Variants in ADCY2 observed in about 807,000 individuals in gnomAD.
ADCY2 encodes adenylate cyclase type 2.
Under a neutral mutation model 125.2 loss-of-function variants are expected in ADCY2, and 31 were observed. That is an observed-to-expected ratio of 0.25 (90% confidence interval 0.19 to 0.33). The LOEUF (loss-of-function observed/expected upper bound fraction) is 0.33. Ranked by LOEUF, ADCY2 falls within the 10% of genes least tolerant of loss-of-function variation. The probability of loss-of-function intolerance (pLI) is 1.00; values close to 1 mark genes in which losing one functional copy is unlikely to be tolerated. For missense variants in ADCY2, 904 were observed against 1,418.2 expected, an observed-to-expected ratio of 0.64 and a Z score of 5.82; for synonymous variants, 512 against 548.4, an observed-to-expected ratio of 0.93 and a Z score of 0.93.
intron 4 of ADCY2, among the ~76,000 whole-genome samples, chr5:7,642,797 T>C (rs1031077990): frequency 1.5e-4 from 23 of 152,236 alleles, no homozygotes; most frequent in Admixed American, 1.3e-3. Flanking sequence ...TGGGGGCCTC[T>C]TTTCAACATT....
chr5:7,476,973 AC>A (rs1359619146), intron 2 of ADCY2, among the ~76,000 whole-genome samples: 2 of 152,188 alleles, frequency 1.3e-5, no homozygotes, highest in African/African-American at 4.8e-5. Flanking sequence ...TTTCTTTGAC[AC>A]CTAGAATATT....
At chr5:7,812,088 G>A (rs1037844516) in intron 22 of ADCY2, among the ~76,000 whole-genome samples, 5 of 152,182 alleles carry the variant, frequency 3.3e-5, no homozygotes, top group African/African-American at 1.2e-4. Context: ...GGGCCAGAGA[G>A]GAAGCTAGGA....
At chr5:7,648,791 C>G (rs984372665) in intron 4 of ADCY2, among the ~76,000 whole-genome samples, 2 of 152,108 alleles carry the variant, frequency 1.3e-5, no homozygotes, top group African/African-American at 2.4e-5. Context: ...TGAAGTGAGT[C>G]ATTTCTTTCA....
At position 7,828,816 on chromosome 5, in the gene ADCY2, G is replaced by T. The variant is rs368503546; in HGVS notation, c.*1945G>T. ...TAAGGATGAGCAGCAGGCGTGCCTC[G>T]TGGGTTCTTCCTCTGTTACATCCTG... On this transcript the variant is annotated 3_prime_UTR_variant, in exon 25 of 25. Transcript: ENST00000338316. 1.3e-5 allele frequency: 2 copies of T among 152,284 alleles called. No individual in the cohort carries two copies. Among genetic ancestry groups the T allele is most frequent in the Non-Finnish European group, 2.9e-5 (2 of 68,034 alleles). The allele number at this position is 152,284 out of a possible 1,614,324, so 9.4% of individuals were successfully genotyped here.
At chr5:7,540,115 T>G (rs910480566) in intron 3 of ADCY2, among the ~76,000 whole-genome samples, 4 of 152,072 alleles carry the variant, frequency 2.6e-5, no homozygotes, top group Non-Finnish European at 5.9e-5. Flanking sequence ...CACTTATCAG[T>G]GGGAGCAAAA....
At chr5:7,665,077 T>C (rs1396815962) in intron 4 of ADCY2, among the ~76,000 whole-genome samples, 1 of 152,054 alleles carries the variant, frequency 6.6e-6, no homozygotes, top group Non-Finnish European at 1.5e-5. Flanking sequence ...CTCCCTAAAA[T>C]ATATAAACCC....
intron 2 of ADCY2, among the ~76,000 whole-genome samples, chr5:7,507,445 A>AC (rs1269038522): frequency 6.9e-6 from 1 of 145,474 alleles, no homozygotes; most frequent in Non-Finnish European, 1.5e-5. Context: ...CGTCTCAAAA[A>AC]AAAAAAAAAA....
chr5:7,645,525 G>T (rs762504850), intron 4 of ADCY2, among the ~76,000 whole-genome samples: 2 of 151,500 alleles, frequency 1.3e-5, no homozygotes, highest in Non-Finnish European at 2.9e-5. Context: ...GTCCAGTGTG[G>T]TATAAGAACT....
chr5:7,684,936 A>G (rs1219256099), intron 4 of ADCY2, among the ~76,000 whole-genome samples: 1 of 152,218 alleles, frequency 6.6e-6, no homozygotes, highest in Non-Finnish European at 1.5e-5. Context: ...TAATATGCAC[A>G]AAACATTCCA....
Position 7,827,068 on chromosome 5 carries a change from C to A in ADCY2, c.*197C>A. The A allele has an allele frequency of 1.6e-6, 1 of 631,654 alleles. No homozygotes were observed. Among genetic ancestry groups the A allele is most frequent in the Non-Finnish European group, 2.6e-6 (1 of 386,038 alleles). 39.1% of individuals were successfully genotyped at this position (631,654 alleles called of 1,614,324 possible). On this transcript the variant is annotated 3_prime_UTR_variant, in exon 25 of 25. Transcript: ENST00000338316. ...AGATCGTTCTGCCACTTGCACTGTG[C>A]TTGCTCCTAAGCAAAAGGGAAAAGG...
chr5:7,693,780 A>C (rs1297610794), intron 5 of ADCY2, among the ~76,000 whole-genome samples: 1 of 152,178 alleles, frequency 6.6e-6, no homozygotes, highest in African/African-American at 2.4e-5. Context: ...AGCTTAAGCT[A>C]TCTACAGGCA....
At chr5:7,540,943 C>A (rs1331348077) in intron 3 of ADCY2, among the ~76,000 whole-genome samples, 1 of 152,164 alleles carries the variant, frequency 6.6e-6, no homozygotes, top group African/African-American at 2.4e-5. Context: ...CAGCAGTCTG[C>A]TTGTTCAGCC....
intron 7 of ADCY2, among the ~76,000 whole-genome samples, chr5:7,705,592 C>T (rs1741241803): frequency 6.6e-6 from 1 of 151,870 alleles, no homozygotes; most frequent in Non-Finnish European, 1.5e-5. Context: ...TGCACAGCCA[C>T]AGCCTGCAGA....
Position 7,826,994 on chromosome 5 carries a change from C to A in ADCY2, c.*123C>A. 2 of 1,207,616 alleles carry A rather than the reference C, an allele frequency of 1.7e-6. No individual in the cohort carries two copies. Among genetic ancestry groups the A allele is most frequent in the Non-Finnish European group, 2.3e-6 (2 of 874,740 alleles). The allele number at this position is 1,207,616 out of a possible 1,614,324, so 74.8% of individuals were successfully genotyped here. A position where few individuals can be genotyped will look rare whatever the true frequency, so the allele number is the denominator to read the frequency against. The stretch of plus-strand genomic sequence containing the variant: ...GTCTGTCCTATGGAGCCTCTGCAGA[C>A]TCGTTCTCGTGACCCAGTGGCATAC... On this transcript the variant is annotated 3_prime_UTR_variant, in exon 25 of 25. Transcript: ENST00000338316.
intron 20 of ADCY2, chr5:7,801,583 A>G (rs1197307923): frequency 2.0e-5 from 3 of 152,220 alleles, no homozygotes; most frequent in Non-Finnish European, 1.5e-5. Context: ...AAAATTATGG[A>G]AACACCTTGA....
At position 7,491,751 on chromosome 5, in the gene ADCY2, AT is replaced by A. The variant is rs1426778820; in HGVS notation, c.409-28981del. Among the ~76,000 whole-genome samples the A allele has an allele frequency of 2.6e-5, 4 of 152,112 alleles. No individual in the cohort carries two copies. The East Asian group carries it at 5.8e-4, about 22-fold the overall frequency. ...GACATCATATTATAATATGAAACTA[AT>A]TTTTTATATTATTAATGTTTATCTT... On this transcript the variant is annotated intron_variant, in intron 2 of 24. Transcript: ENST00000338316.
At chr5:7,490,089 G>A (rs973549505) in intron 2 of ADCY2, among the ~76,000 whole-genome samples, 3 of 152,036 alleles carry the variant, frequency 2.0e-5, no homozygotes, top group Non-Finnish European at 4.4e-5. Context: ...CTATTTCTGA[G>A]AAGAGGCAAT....
rs368393729 is a variant in ADCY2 at position 7,524,817 on chromosome 5, A to C, written c.570+3918A>C. Among the ~76,000 whole-genome samples, 4 of 152,276 alleles carry C rather than the reference A, an allele frequency of 2.6e-5. No individual in the cohort carries two copies. The East Asian group carries it at 5.8e-4, about 22-fold the overall frequency. ...GTTCACTTGTATGATGGCTCTGTCC[A>C]TCCAACTCTTTCACATAGAAATTAC... On this transcript the variant is annotated intron_variant, in intron 3 of 24. Coordinates refer to ENST00000338316, the MANE Select transcript of ADCY2 (RefSeq NM_020546.3).
intron 2 of ADCY2, among the ~76,000 whole-genome samples, chr5:7,508,559 G>A: frequency 6.6e-6 from 1 of 152,110 alleles, no homozygotes; most frequent in Admixed American, 6.5e-5. Context: ...AAGAGGGCTG[G>A]CAAAAATATG....
Sources: gnomAD v4.1 joint callset for allele counts (sites outside exome capture counted in the v4.1 genomes callset) on GRCh38, gnomAD v4.1.1 for gene constraint, MANE v1.5 for transcripts, NCBI Gene and HGNC (gene_info 2026-07-23, HGNC 2026-07-21) for gene names.